The following CNTNAP2 variants were observed in gnomAD, a reference collection of about 807,000 sequenced individuals.
CNTNAP2 encodes the protein contactin associated protein 2, also known as contactin-associated protein-like 2.
Under a neutral mutation model 155.2 loss-of-function variants are expected in CNTNAP2, and 98 were observed. The ratio of observed to expected loss-of-function variants is 0.63; its 90% CI spans 0.54 to 0.75. The LOEUF (loss-of-function observed/expected upper bound fraction) is 0.75, where lower values mean the gene tolerates loss of function less well. Ranked by LOEUF, CNTNAP2 falls within the 30% of genes least tolerant of loss-of-function variation. CNTNAP2 has a pLI of 0.00. For synonymous variants in CNTNAP2, 651 were observed against 631.2 expected (o/e 1.03, Z -0.47); for missense variants, 1,727 against 1,688.1 (o/e 1.02, Z -0.40).
At chr7:147,944,951 G>T (rs952369677) in intron 14 of CNTNAP2, among the ~76,000 whole-genome samples, 1 of 152,094 alleles carries the variant, frequency 6.6e-6, no homozygotes. Context: ...GCTATTTGCT[G>T]CCTGCCAATT....
chr7:148,134,691 T>C (rs1463418136), intron 16 of CNTNAP2, among the ~76,000 whole-genome samples: 1 of 152,226 alleles, frequency 6.6e-6, no homozygotes, highest in Non-Finnish European at 1.5e-5. Context: ...GATTAAATAG[T>C]TGTTAAAGTT....
chr7:146,818,699 AT>A (rs1159936047), intron 2 of CNTNAP2, among the ~76,000 whole-genome samples: 1 of 152,200 alleles, frequency 6.6e-6, no homozygotes, highest in Non-Finnish European at 1.5e-5. Context: ...TAAGTGTATT[AT>A]GACATGTGAC....
Position 146,275,569 on chromosome 7 carries a change from A to C in CNTNAP2, c.97+158596A>C, listed in dbSNP as rs187896675. Reference sequence around the variant, plus strand: ...AAGCTGAAGATCAAAGTAAACCCACATGTGTGTGGGGTGTGTTCACAAATT... The same window carrying C: ...AAGCTGAAGATCAAAGTAAACCCACCTGTGTGTGGGGTGTGTTCACAAATT... On this transcript the variant is annotated intron_variant, in intron 1 of 23. Transcript: ENST00000361727. Among the ~76,000 whole-genome samples, 1,122 of 152,274 alleles carry C rather than the reference A, an allele frequency of 7.4e-3. 6 individuals carry two copies. The highest frequency in any genetic ancestry group is 0.012 in the Non-Finnish European group (820 of 67,996).
At chr7:146,458,196 T>C (rs1315317388) in intron 1 of CNTNAP2, among the ~76,000 whole-genome samples, 1 of 152,128 alleles carries the variant, frequency 6.6e-6, no homozygotes. Context: ...GATGCTGGGC[T>C]TAATACCTAG....
At chr7:147,324,439 A>C (rs1795413356) in intron 9 of CNTNAP2, among the ~76,000 whole-genome samples, 1 of 152,228 alleles carries the variant, frequency 6.6e-6, no homozygotes, top group Admixed American at 6.5e-5. Flanking sequence ...ATCATGCCAC[A>C]TCAGATATGT....
At chr7:146,927,765 GTGTGTGTGTGTT>G (rs1563005541) in intron 3 of CNTNAP2, among the ~76,000 whole-genome samples, 1 of 151,416 alleles carries the variant, frequency 6.6e-6, no homozygotes, top group Non-Finnish European at 1.5e-5. Context: ...CACTTTAAAT[GTGTGTGTGTGTT>G]TGTGTGTGTG....
At chr7:147,116,912 T>A (rs1283179529) in intron 5 of CNTNAP2, among the ~76,000 whole-genome samples, 18 of 152,156 alleles carry the variant, frequency 1.2e-4, no homozygotes, top group Non-Finnish European at 7.3e-5. Context: ...CTTTGGACTC[T>A]CCAAAGCCCA....
At chr7:146,768,297 C>T (rs1272579819) in intron 1 of CNTNAP2, among the ~76,000 whole-genome samples, 1 of 151,460 alleles carries the variant, frequency 6.6e-6, no homozygotes, top group African/African-American at 2.4e-5. Context: ...AGCAGCACAG[C>T]AGTTCCTCAA....
At chr7:147,802,303 G>A (rs1175958576) in intron 13 of CNTNAP2, among the ~76,000 whole-genome samples, 1 of 146,702 alleles carries the variant, frequency 6.8e-6, no homozygotes, top group Admixed American at 6.9e-5. Flanking sequence ...TGGGCAGCCA[G>A]GCAGAGGGGC....
chr7:146,840,021 A>G (rs1803690370), intron 3 of CNTNAP2, 117 bp downstream of exon 3: 1 of 1,220,592 alleles, frequency 8.2e-7, no homozygotes. Flanking sequence ...TCATTGGGAA[A>G]CTATTTATTC....
rs1028207166 is a variant in CNTNAP2, at chr7:147,284,256, G to C, written c.1349-15885G>C. Among the ~76,000 whole-genome samples, 3 of 151,270 alleles carry C rather than the reference G, an allele frequency of 2.0e-5. No homozygotes were observed. In the East Asian group the frequency reaches 5.8e-4, roughly 29 times the overall value. On this transcript the variant is annotated intron_variant, in intron 8 of 23. Transcript: ENST00000361727. ...TTCTAGTCTTTTTTTTAAGTAGTTA[G>C]CATGAAAAGGAATCTTGTAATTCAG...
intron 19 of CNTNAP2, among the ~76,000 whole-genome samples, chr7:148,226,197 T>C (rs1025696002): frequency 6.6e-5 from 10 of 152,030 alleles, no homozygotes; most frequent in East Asian, 3.8e-4. Context: ...AGCTTATTAA[T>C]AAAAATATGC....
At chr7:146,606,380 T>C (rs1367822679) in intron 1 of CNTNAP2, among the ~76,000 whole-genome samples, 1 of 152,184 alleles carries the variant, frequency 6.6e-6, no homozygotes, top group Non-Finnish European at 1.5e-5. Flanking sequence ...TTTTACTACA[T>C]TGAAGGAATT....
chr7:147,933,519 AG>A (rs1800546854), intron 14 of CNTNAP2, among the ~76,000 whole-genome samples: 3 of 151,830 alleles, frequency 2.0e-5, no homozygotes, highest in Non-Finnish European at 2.9e-5. Context: ...ATAGATAGAT[AG>A]ATAGATAGAT....
intron 11 of CNTNAP2, among the ~76,000 whole-genome samples, chr7:147,502,741 G>A (rs5888265): frequency 0.13 from 13,268 of 99,642 alleles, 1,151 homozygotes; most frequent in African/African-American, 0.37. Context: ...GTGTGTGTGT[G>A]TATATATATA....
chr7:146,857,161 T>C lies in CNTNAP2; in HGVS notation c.402+17257T>C, dbSNP rs572255915. ...TGATATGCAACTTATTCTCACATGG[T>C]TCAGAAAAAATAATGTGTGTGTTGG... On this transcript the variant is annotated intron_variant, in intron 3 of 23. Coordinates refer to ENST00000361727, the MANE Select transcript of CNTNAP2 (RefSeq NM_014141.6). Among the ~76,000 whole-genome samples, 4 of 151,950 alleles carry C rather than the reference T, an allele frequency of 2.6e-5. No individual in the cohort carries two copies. The South Asian group carries it at 8.3e-4, about 32-fold the overall frequency.
chr7:148,186,319 T>C (rs978398669), intron 18 of CNTNAP2, among the ~76,000 whole-genome samples: 3 of 152,238 alleles, frequency 2.0e-5, no homozygotes, highest in Non-Finnish European at 4.4e-5. Flanking sequence ...ATCACCTTTA[T>C]TTACAAAATG....
At position 147,557,219 on chromosome 7, in the gene CNTNAP2, G is replaced by A. The variant is rs187770242; in HGVS notation, c.1778-4919G>A. On this transcript the variant is annotated intron_variant, in intron 11 of 23. Coordinates refer to ENST00000361727, the MANE Select transcript of CNTNAP2 (RefSeq NM_014141.6). ...GCAAAGATTGCAGTGAGCCGAGATTGCACCACTGCACTCCAGCCTGGGCAA... is the reference window on the plus strand; with the variant it reads ...GCAAAGATTGCAGTGAGCCGAGATTACACCACTGCACTCCAGCCTGGGCAA... 1.0e-3 allele frequency among the ~76,000 whole-genome samples: 158 copies of A among 151,924 alleles called. 4 individuals are homozygous for A. The East Asian group carries it at 0.021, about 20-fold the overall frequency.
chr7:147,004,585 T>C (rs1213249930), intron 3 of CNTNAP2, among the ~76,000 whole-genome samples: 2 of 152,026 alleles, frequency 1.3e-5, no homozygotes, highest in African/African-American at 4.8e-5. Flanking sequence ...TACTTAAAAG[T>C]CTAGGTTGGT....
Sources: allele counts gnomAD v4.1 joint callset (sites outside exome capture counted in the v4.1 genomes callset), GRCh38; gene constraint gnomAD v4.1.1; transcripts MANE v1.5; gene names NCBI Gene and HGNC (gene_info 2026-07-23, HGNC 2026-07-21).